The following MAST4 variants were observed in gnomAD, a reference collection of about 807,000 sequenced individuals.
MAST4 encodes the protein microtubule-associated serine/threonine-protein kinase 4.
In MAST4, 89 loss-of-function variants were observed where a neutral mutation model predicts 162.7. The ratio of observed to expected loss-of-function variants is 0.55; its 90% CI spans 0.46 to 0.65. The LOEUF is 0.65. Among genes scored for constraint, MAST4 ranks in the 30% least tolerant of loss-of-function variants. The pLI is 0.00. For missense variants in MAST4, 3,153 were observed against 3,374.0 expected (o/e 0.93, Z 1.62); for synonymous variants, 1,479 against 1,361.1 (o/e 1.09, Z -1.91).
chr5:66,653,956 C>T (rs1232567881), intron 1 of MAST4, among the ~76,000 whole-genome samples: 1 of 152,146 alleles, frequency 6.6e-6, no homozygotes, highest in African/African-American at 2.4e-5. Flanking sequence ...ATATGTGTCC[C>T]AGAATTCATT....
At chr5:66,955,983 TG>T in intron 4 of MAST4, among the ~76,000 whole-genome samples, 10 of 126,048 alleles carry the variant, frequency 7.9e-5, no homozygotes, top group African/African-American at 1.3e-4. Context: ...TTTTTTTTTT[TG>T]TTTGTTTGTT....
rs556248962 is a variant in MAST4, at chr5:66,613,323, T to C, written c.363+16305T>C. On this transcript the variant is annotated intron_variant, in intron 1 of 28. Coordinates refer to ENST00000403625, the MANE Select transcript of MAST4 (RefSeq NM_001164664.2). The stretch of plus-strand genomic sequence containing the variant: ...TTGATAAGAATTTATCAGATAACCC[T>C]TTTTTTTTTTTTTGTAATATCTCTT... Among the ~76,000 whole-genome samples the C allele has an allele frequency of 4.2e-4, 21 of 49,634 alleles. No homozygotes were observed. In the East Asian group the frequency reaches 8.8e-3, roughly 21 times the overall value. 32.6% of individuals were successfully genotyped at this position (49,634 alleles called of 152,430 possible). A position where few individuals can be genotyped will look rare whatever the true frequency, so the allele number is the denominator to read the frequency against.
chr5:66,925,956 G>A (rs1229459082), intron 4 of MAST4, among the ~76,000 whole-genome samples: 1 of 145,346 alleles, frequency 6.9e-6, no homozygotes. Context: ...TTTTTTTTTT[G>A]CATTTAAGTC....
At chr5:66,947,829 G>T (rs1744211987) in intron 4 of MAST4, among the ~76,000 whole-genome samples, 2 of 152,148 alleles carry the variant, frequency 1.3e-5, no homozygotes. Context: ...TGGGTCTCAA[G>T]AATTTCCCCT....
chr5:66,926,894 T>C (rs1449319831), intron 4 of MAST4, among the ~76,000 whole-genome samples: 1 of 152,156 alleles, frequency 6.6e-6, no homozygotes, highest in Admixed American at 6.5e-5. Flanking sequence ...ACATCAGTGG[T>C]TACGTCTGAG....
At chr5:66,812,738 C>G (rs1023122264) in intron 3 of MAST4, among the ~76,000 whole-genome samples, 2 of 152,134 alleles carry the variant, frequency 1.3e-5, no homozygotes, top group Non-Finnish European at 2.9e-5. Flanking sequence ...GCCCTTGGTA[C>G]GTAGTAATGC....
chr5:66,654,667 A>G (rs1490020845), intron 1 of MAST4, among the ~76,000 whole-genome samples: 1 of 151,922 alleles, frequency 6.6e-6, no homozygotes, highest in Non-Finnish European at 1.5e-5. Context: ...TCATCAATAA[A>G]ACCATTTTAA....
intron 3 of MAST4, among the ~76,000 whole-genome samples, chr5:66,837,855 G>A (rs1758086879): frequency 1.6e-5 from 2 of 125,380 alleles, no homozygotes; most frequent in Middle Eastern, 0.01. Context: ...TCTCAAGTGA[G>A]ACTTGATTTT....
chr5:67,102,454 G>A (rs1765131743), intron 8 of MAST4, 82 bp from the exon 9 acceptor site: 2 of 1,256,014 alleles, frequency 1.6e-6, no homozygotes, highest in Non-Finnish European at 1.2e-6. Context: ...TACTTTTGAT[G>A]CAACTGACTG....
intron 4 of MAST4, chr5:66,959,416 G>A (rs79150829): frequency 4.3e-4 from 306 of 715,594 alleles, no homozygotes; most frequent in East Asian, 4.1e-3. Flanking sequence ...GTGAGGTGGA[G>A]GAACATGTCT....
intron 1 of MAST4, among the ~76,000 whole-genome samples, chr5:66,634,741 A>C (rs1744998075): frequency 6.6e-6 from 1 of 152,230 alleles, no homozygotes; most frequent in African/African-American, 2.4e-5. Context: ...TGTTGCAGCT[A>C]CCTGAACCTT....
chr5:67,152,416 G>A (rs535148186), intron 24 of MAST4, among the ~76,000 whole-genome samples: 2 of 152,306 alleles, frequency 1.3e-5, no homozygotes, highest in Admixed American at 1.3e-4. Context: ...TGAAAAATTA[G>A]TTAAAATAGC....
At chr5:66,994,033 C>G (rs1319599590) in intron 4 of MAST4, among the ~76,000 whole-genome samples, 3 of 149,270 alleles carry the variant, frequency 2.0e-5, no homozygotes, top group African/African-American at 7.4e-5. Context: ...AATGGGGACC[C>G]ATTCAACTTT....
intron 3 of MAST4, among the ~76,000 whole-genome samples, chr5:66,885,924 G>A (rs771300894): frequency 6.6e-6 from 1 of 152,172 alleles, no homozygotes; most frequent in South Asian, 2.1e-4. Flanking sequence ...AGAGTGCTCA[G>A]TGTGTGCCAG....
chr5:66,913,704 C>T (rs1763920943), intron 4 of MAST4, among the ~76,000 whole-genome samples: 1 of 152,196 alleles, frequency 6.6e-6, no homozygotes, highest in South Asian at 2.1e-4. Context: ...GCTAAGCCGT[C>T]TTTCCCTAAT....
chr5:66,694,518 G>A (rs1036180048), intron 1 of MAST4, among the ~76,000 whole-genome samples: 43 of 150,464 alleles, frequency 2.9e-4, no homozygotes, highest in East Asian at 2.0e-4. Context: ...TTGGAATCTC[G>A]CTGTGTTGAC....
At chr5:66,657,775 C>A (rs370638465) in intron 1 of MAST4, among the ~76,000 whole-genome samples, 12 of 152,206 alleles carry the variant, frequency 7.9e-5, no homozygotes, top group African/African-American at 2.9e-4. Context: ...GAGAATGTGC[C>A]GTGGTTACTG....
chr5:67,051,055 A>C (rs188125201), intron 4 of MAST4, among the ~76,000 whole-genome samples: 1 of 152,142 alleles, frequency 6.6e-6, no homozygotes, highest in Non-Finnish European at 1.5e-5. Flanking sequence ...AAAACTGGAG[A>C]TAACTCTTTA....
intron 2 of MAST4, among the ~76,000 whole-genome samples, chr5:66,762,991 T>C (rs1000086682): frequency 6.6e-6 from 1 of 152,212 alleles, no homozygotes; most frequent in African/African-American, 2.4e-5. Flanking sequence ...GTTTAGGGAA[T>C]TATATTTACT....
Sources: gnomAD v4.1 joint callset for allele counts (sites outside exome capture counted in the v4.1 genomes callset) on GRCh38, gnomAD v4.1.1 for gene constraint, MANE v1.5 for transcripts, NCBI Gene and HGNC (gene_info 2026-07-23, HGNC 2026-07-21) for gene names.